Variants in DCTD observed in about 807,000 individuals in gnomAD.
DCTD encodes the protein deoxycytidylate deaminase.
A neutral mutation model predicts 21.0 loss-of-function variants in DCTD; 23 were observed. The observed-to-expected ratio is 1.09, with a 90% CI of 0.79 to 1.55. The LOEUF (loss-of-function observed/expected upper bound fraction) is 1.55. Ranked by LOEUF, DCTD falls within the 40% of genes most tolerant of loss-of-function variation. The pLI is 0.00. For missense variants in DCTD, 224 were observed against 230.0 expected (o/e 0.97, Z 0.17); for synonymous variants, 71 against 81.1 (o/e 0.88, Z 0.67).
chr4:182,891,185 C>A lies in DCTD; in HGVS notation c.*214G>T, dbSNP rs1733677551. 2.4e-5 allele frequency: 12 copies of A among 497,086 alleles called. No homozygotes were observed. The South Asian group carries it at 3.4e-4, about 14-fold the overall frequency. The allele number at this position is 497,086 out of a possible 1,614,324, so 30.8% of individuals were successfully genotyped here. ...CCTGTGCACCAGGCCACCACAGGCTCCCCTATTTTAAACCCTAAAGCAATA... is the reference window on the plus strand; with the variant it reads ...CCTGTGCACCAGGCCACCACAGGCTACCCTATTTTAAACCCTAAAGCAATA... On this transcript the variant is annotated 3_prime_UTR_variant, in exon 6 of 6. Transcript: ENST00000438320.
At chr4:182,904,125 C>T (rs28373940) in intron 3 of DCTD, among the ~76,000 whole-genome samples, 12,077 of 152,036 alleles carry the variant, frequency 0.079, 1,354 homozygotes, top group African/African-American at 0.25. Flanking sequence ...GCTAAAGCTG[C>T]GGATGACAAC....
At chr4:182,898,688 T>C (rs890417213) in intron 3 of DCTD, among the ~76,000 whole-genome samples, 1 of 152,174 alleles carries the variant, frequency 6.6e-6, no homozygotes, top group African/African-American at 2.4e-5. Flanking sequence ...GCATGCATAC[T>C]TAGTCCTTAG....
At position 182,915,118 on chromosome 4, in the gene DCTD, A is replaced by G; in HGVS notation, c.109-60T>C. 2.5e-6 allele frequency: 4 copies of G among 1,609,080 alleles called. No individual in the cohort carries two copies. In the South Asian group the frequency reaches 4.4e-5, roughly 18 times the overall value. ...CAACTGGCTGGTCTGCCGCTGTGGA[A>G]GCAGGGAATAAAACCAGGGGGACTG... On this transcript the variant is annotated intron_variant, in intron 2 of 5. Coordinates refer to ENST00000438320, the MANE Select transcript of DCTD (RefSeq NM_001921.3).
At chr4:182,897,616 C>T (rs747267645) in intron 3 of DCTD, among the ~76,000 whole-genome samples, 12 of 152,148 alleles carry the variant, frequency 7.9e-5, no homozygotes, top group East Asian at 1.9e-4. Context: ...ATCCCACATA[C>T]GCAAAAGTGG....
In DCTD at chr4:182,917,131, C is replaced by G. The variant is rs561372535; in HGVS notation, c.-8+180G>C. 2.0e-3 allele frequency: 1,984 copies of G among 987,694 alleles called. 28 individuals are homozygous for G. The African/African-American group carries it at 0.033, about 16-fold the overall frequency. 61.2% of individuals were successfully genotyped at this position (987,694 alleles called of 1,614,324 possible). A position where few individuals can be genotyped will look rare whatever the true frequency, so the allele number is the denominator to read the frequency against. ...GGAGTGACTGCGGGGACCCCGAGCG[C>G]CCCCACCCCGCCCGCATTCTCCGAT... On this transcript the variant is annotated intron_variant, in intron 1 of 5. Transcript: ENST00000438320. This position sits in a 1 kb window ranked among gnomAD's most constrained non-coding sequence, Gnocchi z 4.9.
intron 1 of DCTD, chr4:182,916,705 G>T (rs913732926): frequency 1.9e-6 from 2 of 1,039,576 alleles, no homozygotes; most frequent in South Asian, 2.6e-5. Context: ...TCATCGCTGT[G>T]GGGTGCTGGA....
rs1734428456 is a variant in DCTD, at chr4:182,894,745, C to T, written c.245-140G>A. The T allele has an allele frequency of 6.0e-6, 4 of 671,394 alleles. No homozygotes were observed. In the South Asian group the frequency reaches 7.1e-5, roughly 12 times the overall value. The allele number at this position is 671,394 out of a possible 1,614,324, so 41.6% of individuals were successfully genotyped here. A position where few individuals can be genotyped will look rare whatever the true frequency, so the allele number is the denominator to read the frequency against. On this transcript the variant is annotated intron_variant, in intron 3 of 5. Transcript: ENST00000438320. ...AAACATTGATTAGAAATGGCAAGTCCTAAGAATACCAAATGAGGCCCACGT... is the reference window on the plus strand; with the variant it reads ...AAACATTGATTAGAAATGGCAAGTCTTAAGAATACCAAATGAGGCCCACGT...
chr4:182,890,254 C>A lies in DCTD; in HGVS notation c.*1145G>T, dbSNP rs949150851. The A allele has an allele frequency of 3.9e-5, 6 of 152,022 alleles. No homozygotes were observed. The highest frequency in any genetic ancestry group is 1.3e-4 in the Admixed American group (2 of 15,272). The allele number at this position is 152,022 out of a possible 1,614,324, so 9.4% of individuals were successfully genotyped here. The stretch of plus-strand genomic sequence containing the variant: ...TAATAATCTTTAGGATAAAGAAAGC[C>A]TTTTCTCAACACAGGTACTGAGCAT... On this transcript the variant is annotated 3_prime_UTR_variant, in exon 6 of 6. Coordinates refer to ENST00000438320, the MANE Select transcript of DCTD (RefSeq NM_001921.3).
Position 182,916,409 on chromosome 4 carries a change from G to C in DCTD, c.-7-834C>G, listed in dbSNP as rs1014223223. 11 of 985,526 alleles carry C rather than the reference G, an allele frequency of 1.1e-5. 1 individual carries two copies. The allele number at this position is 985,526 out of a possible 1,614,324, so 61.0% of individuals were successfully genotyped here. On this transcript the variant is annotated intron_variant, in intron 1 of 5. Transcript: ENST00000438320. ...AAGGAAGGAAGACAACACAAAAACG[G>C]GGTGGGTACCACGGAGAAATCTTGA...
At position 182,893,161 on chromosome 4, in the gene DCTD, C is replaced by T. The variant is rs371044291; in HGVS notation, c.362-34G>A. 279 of 1,270,366 alleles carry T rather than the reference C, an allele frequency of 2.2e-4. 2 individuals are homozygous for T. The South Asian group carries it at 2.8e-3, about 13-fold the overall frequency. The allele number at this position is 1,270,366 out of a possible 1,614,324, so 78.7% of individuals were successfully genotyped here. ...TAACAATGGGAGCTCCCTTAGTGTA[C>T]GCACCTACAGATGCTGCAAAAGACA... is the stretch of plus-strand genomic sequence containing the variant. On this transcript the variant is annotated intron_variant, in intron 4 of 5. Coordinates refer to ENST00000438320, the MANE Select transcript of DCTD (RefSeq NM_001921.3).
chr4:182,905,881 A>G (rs1452660623), intron 3 of DCTD, among the ~76,000 whole-genome samples: 1 of 152,152 alleles, frequency 6.6e-6, no homozygotes, highest in Non-Finnish European at 1.5e-5. Flanking sequence ...TGATCATTCC[A>G]AAATCTTGCT....
intron 3 of DCTD, among the ~76,000 whole-genome samples, chr4:182,908,810 T>C (rs1407269733): frequency 6.6e-6 from 1 of 152,210 alleles, no homozygotes; most frequent in African/African-American, 2.4e-5. Context: ...AGTTTGCATG[T>C]GCCCCTGACA....
intron 3 of DCTD, among the ~76,000 whole-genome samples, chr4:182,911,968 T>C (rs925281017): frequency 3.9e-5 from 6 of 152,136 alleles, no homozygotes; most frequent in Non-Finnish European, 5.9e-5. Context: ...TAAAAATCAT[T>C]GTCCAGAACT....
chr4:182,907,557 A>G (rs1366674348), intron 3 of DCTD, among the ~76,000 whole-genome samples: 1 of 152,076 alleles, frequency 6.6e-6, no homozygotes, highest in African/African-American at 2.4e-5. Flanking sequence ...CTATCTCCAT[A>G]TGGTCTATAT....
At chr4:182,900,245 G>A (rs1735487167) in intron 3 of DCTD, among the ~76,000 whole-genome samples, 1 of 152,076 alleles carries the variant, frequency 6.6e-6, no homozygotes, top group Non-Finnish European at 1.5e-5. Context: ...GAGCCCAGGA[G>A]GTCAAGGCTG....
In DCTD at chr4:182,917,284, G is replaced by T. The variant is rs1437922253; in HGVS notation, c.-8+27C>A. 4.8e-6 allele frequency: 5 copies of T among 1,050,352 alleles called. No individual in the cohort carries two copies. The highest frequency in any genetic ancestry group is 1.7e-5 in the African/African-American group (1 of 58,492). The allele number at this position is 1,050,352 out of a possible 1,614,324, so 65.1% of individuals were successfully genotyped here. A position where few individuals can be genotyped will look rare whatever the true frequency, so the allele number is the denominator to read the frequency against. On this transcript the variant is annotated intron_variant, in intron 1 of 5. Transcript: ENST00000438320. The surrounding 1 kb of genome is among the most constrained non-coding windows in gnomAD (Gnocchi z 4.9). ...CGGTGGCTAGGGGCGCGCGGGCCGCGTACCCGCACGGCTGGCCCCCGCCCA... is the reference window on the plus strand; with the variant it reads ...CGGTGGCTAGGGGCGCGCGGGCCGCTTACCCGCACGGCTGGCCCCCGCCCA...
At chr4:182,899,606 G>C (rs1735364449) in intron 3 of DCTD, among the ~76,000 whole-genome samples, 1 of 151,968 alleles carries the variant, frequency 6.6e-6, no homozygotes, top group African/African-American at 2.4e-5. Context: ...TCGCTATGTT[G>C]GCCAGGCTGG....
intron 3 of DCTD, among the ~76,000 whole-genome samples, chr4:182,896,919 A>G (rs1734833255): frequency 6.6e-6 from 1 of 152,330 alleles, no homozygotes; most frequent in East Asian, 1.9e-4. Flanking sequence ...AAGTACTGGA[A>G]GTCCTCTTAA....
At chr4:182,902,469 C>T (rs1176909519) in intron 3 of DCTD, among the ~76,000 whole-genome samples, 1 of 152,180 alleles carries the variant, frequency 6.6e-6, no homozygotes, top group African/African-American at 2.4e-5. Flanking sequence ...GATAGTTCCA[C>T]CAGACAAGCC....
Sources: gnomAD v4.1 joint callset for allele counts (sites outside exome capture counted in the v4.1 genomes callset) on GRCh38, gnomAD v4.1.1 for gene constraint, Gnocchi (gnomAD v3.1) non-coding constraint, MANE v1.5 for transcripts, NCBI Gene and HGNC (gene_info 2026-07-23, HGNC 2026-07-21) for gene names.